UBXN7: variants seen among roughly 807,000 people sequenced by gnomAD.
UBXN7 encodes UBX domain-containing protein 7.
A neutral mutation model predicts 58.0 loss-of-function variants in UBXN7; 9 were observed. That is an observed-to-expected ratio of 0.16 (90% CI 0.09 to 0.27). UBXN7 has a LOEUF of 0.27. Among genes scored for constraint, UBXN7 ranks in the 10% least tolerant of loss-of-function variants. UBXN7 has a pLI of 1.00. For synonymous variants in UBXN7, 208 were observed against 205.0 expected, an observed-to-expected ratio of 1.01 and a Z score of -0.12; for missense variants, 328 against 599.6, an observed-to-expected ratio of 0.55 and a Z score of 4.73.
intron 5 of UBXN7, among the ~76,000 whole-genome samples, chr3:196,385,159 C>T (rs1395446647): frequency 3.3e-5 from 5 of 152,188 alleles, no homozygotes; most frequent in East Asian, 1.9e-4. Context: ...CGCGCCACCA[C>T]GCCTGACTGG....
At chr3:196,382,815 C>CA (rs1245511814) in intron 5 of UBXN7, among the ~76,000 whole-genome samples, 9 of 151,424 alleles carry the variant, frequency 5.9e-5, no homozygotes, top group African/African-American at 9.7e-5. Context: ...AAATGGAAAG[C>CA]AAAAAAAATG....
chr3:196,355,602 C>T lies in UBXN7; in HGVS notation c.*1083G>A, dbSNP rs561902528. On this transcript the variant is annotated 3_prime_UTR_variant, in exon 11 of 11. Coordinates refer to ENST00000296328, the MANE Select transcript of UBXN7 (RefSeq NM_015562.2). ...CTCATGTTCAATTCAGTCACCAGAG[C>T]CTTTTAGAGACTATTCCAACCAGGG... 1.1e-4 allele frequency: 16 copies of T among 152,246 alleles called. No individual in the cohort carries two copies. The East Asian group carries it at 3.1e-3, about 29-fold the overall frequency. 9.4% of individuals were successfully genotyped at this position (152,246 alleles called of 1,614,324 possible).
intron 10 of UBXN7, among the ~76,000 whole-genome samples, chr3:196,360,010 C>T (rs1728462876): frequency 1.3e-5 from 2 of 152,136 alleles, no homozygotes; most frequent in Admixed American, 1.3e-4. Flanking sequence ...TCACACATTC[C>T]CTTAAGCCAA....
At chr3:196,410,652 T>C (rs948285366) in intron 1 of UBXN7, among the ~76,000 whole-genome samples, 1 of 152,050 alleles carries the variant, frequency 6.6e-6, no homozygotes, top group African/African-American at 2.4e-5. Flanking sequence ...TGAAACCCCA[T>C]CTCTACTAAA....
At position 196,423,153 on chromosome 3, in the gene UBXN7, C is replaced by T. The variant is rs373960595; in HGVS notation, c.73+9174G>A. 5.9e-5 allele frequency among the ~76,000 whole-genome samples: 9 copies of T among 152,238 alleles called. No homozygotes were observed. The East Asian group carries it at 9.6e-4, about 16-fold the overall frequency. ...CAGAGGACACAACAGCCCAACCTAG[C>T]GGGGCCAGTCACCACCTGGTCTGGG... On this transcript the variant is annotated intron_variant, in intron 1 of 10. Transcript: ENST00000296328.
chr3:196,426,424 T>C (rs569561199), intron 1 of UBXN7, among the ~76,000 whole-genome samples: 51 of 150,602 alleles, frequency 3.4e-4, no homozygotes, highest in Non-Finnish European at 5.8e-4. Context: ...ATGTATTCCC[T>C]ATTGAAACTA....
chr3:196,383,230 T>A (rs1411391727), intron 5 of UBXN7, among the ~76,000 whole-genome samples: 2 of 151,738 alleles, frequency 1.3e-5, no homozygotes, highest in Non-Finnish European at 2.9e-5. Flanking sequence ...TACATATTGG[T>A]AAAGGGGTCA....
rs1482874668 is a variant in UBXN7, at chr3:196,362,212, T to C, written c.1228+82A>G. The C allele has an allele frequency of 2.7e-6, 4 of 1,494,980 alleles. No homozygotes were observed. In the African/African-American group the frequency reaches 4.2e-5, roughly 16 times the overall value. 92.6% of individuals were successfully genotyped at this position (1,494,980 alleles called of 1,614,324 possible). On this transcript the variant is annotated intron_variant, in intron 9 of 10. Coordinates refer to ENST00000296328, the MANE Select transcript of UBXN7 (RefSeq NM_015562.2). Reference sequence around the variant, plus strand: ...TTTTGCCATGTTGGCGAGGCTGGTCTTGGAACTCCTAACCTCAGTGATCCA... The same window carrying C: ...TTTTGCCATGTTGGCGAGGCTGGTCCTGGAACTCCTAACCTCAGTGATCCA...
At position 196,390,865 on chromosome 3, in the gene UBXN7, T is replaced by C. The variant is rs577739017; in HGVS notation, c.468+948A>G. ...GTTTGAACACCTCAACAGAAGAGTA[T>C]CTAAAATCTTTACTAAACTCCTTCA... is the stretch of plus-strand genomic sequence containing the variant. On this transcript the variant is annotated intron_variant, in intron 5 of 10. Transcript: ENST00000296328. Among the ~76,000 whole-genome samples, 4 of 152,166 alleles carry C rather than the reference T, an allele frequency of 2.6e-5. No homozygotes were observed. The South Asian group carries it at 8.3e-4, about 32-fold the overall frequency.
chr3:196,355,710 T>C lies in UBXN7; in HGVS notation c.*975A>G, dbSNP rs563940635. The C allele has an allele frequency of 1.3e-5, 2 of 152,324 alleles. No homozygotes were observed. The highest frequency in any genetic ancestry group is 1.9e-4 in the East Asian group (1 of 5,192). 9.4% of individuals were successfully genotyped at this position (152,324 alleles called of 1,614,324 possible). A position where few individuals can be genotyped will look rare whatever the true frequency, so the allele number is the denominator to read the frequency against. ...ATGGTTTTCTTTTTCCCCAGGGACA[T>C]ACCTAAGTATGCCTGAAACAACACA... On this transcript the variant is annotated 3_prime_UTR_variant, in exon 11 of 11. Transcript: ENST00000296328.
intron 10 of UBXN7, among the ~76,000 whole-genome samples, chr3:196,360,129 T>C (rs147075008): frequency 0.011 from 1,728 of 152,176 alleles, 41 homozygotes; most frequent in African/African-American, 0.039. Context: ...GTTCATGAGG[T>C]TGAAGGAAAG....
At chr3:196,417,780 C>T (rs2108622511) in intron 1 of UBXN7, among the ~76,000 whole-genome samples, 1 of 141,956 alleles carries the variant, frequency 7.0e-6, no homozygotes, top group South Asian at 2.3e-4. Flanking sequence ...AAAAGATTAG[C>T]CAGGCGTGGT....
At chr3:196,418,154 T>C (rs1268523694) in intron 1 of UBXN7, among the ~76,000 whole-genome samples, 4 of 151,772 alleles carry the variant, frequency 2.6e-5, no homozygotes, top group Non-Finnish European at 4.4e-5. Flanking sequence ...GGAGAATCGC[T>C]GGAACCCAGG....
intron 1 of UBXN7, chr3:196,432,093 A>T (rs1347152725): frequency 1.6e-6 from 1 of 629,062 alleles, no homozygotes; most frequent in Admixed American, 2.5e-5. Context: ...GGGTTGGGGG[A>T]TCTCCCTCCA....
At chr3:196,363,350 G>A (rs567797537) in intron 8 of UBXN7, among the ~76,000 whole-genome samples, 4 of 150,724 alleles carry the variant, frequency 2.7e-5, no homozygotes, top group Admixed American at 6.6e-5. Context: ...GTAAGCATAC[G>A]CATTTTTTTA....
intron 5 of UBXN7, among the ~76,000 whole-genome samples, chr3:196,374,835 C>G (rs936685310): frequency 5.0e-5 from 6 of 119,206 alleles, no homozygotes; most frequent in Non-Finnish European, 8.6e-5. Flanking sequence ...CAAGATCGTG[C>G]CATTGCACTC....
At chr3:196,389,830 A>G (rs535528578) in intron 5 of UBXN7, among the ~76,000 whole-genome samples, 1 of 152,210 alleles carries the variant, frequency 6.6e-6, no homozygotes, top group Admixed American at 6.5e-5. Flanking sequence ...CTTCTCCTAA[A>G]TACTTCATGT....
At chr3:196,423,010 T>C (rs554986379) in intron 1 of UBXN7, among the ~76,000 whole-genome samples, 6 of 152,364 alleles carry the variant, frequency 3.9e-5, no homozygotes, top group African/African-American at 1.2e-4. Context: ...AGGTTACATA[T>C]TGTGATTACA....
intron 1 of UBXN7, chr3:196,414,783 C>T (rs902192177): frequency 6.6e-6 from 1 of 152,306 alleles, no homozygotes; most frequent in African/African-American, 2.4e-5. Flanking sequence ...GCTCACTCAA[C>T]TAGCGCAGAT....
Sources: gnomAD v4.1 joint callset for allele counts (sites outside exome capture counted in the v4.1 genomes callset) on GRCh38, gnomAD v4.1.1 for gene constraint, MANE v1.5 for transcripts, NCBI Gene and HGNC (gene_info 2026-07-23, HGNC 2026-07-21) for gene names.